ACSM2B: variants seen among roughly 807,000 people sequenced by gnomAD.
ACSM2B encodes the protein acyl-coenzyme A synthetase ACSM2B, mitochondrial.
ACSM2B carries 58 observed loss-of-function variants against 78.6 expected under a neutral mutation model. The ratio of observed to expected loss-of-function variants is 0.74; its 90% confidence interval spans 0.60 to 0.92. The LOEUF is 0.92. Among genes scored for constraint, ACSM2B ranks in the 40% least tolerant of loss-of-function variants. The probability of loss-of-function intolerance (pLI) is 0.00; values close to 1 mark genes in which losing one functional copy is unlikely to be tolerated. For synonymous variants in ACSM2B, 257 were observed against 256.8 expected, an observed-to-expected ratio of 1.00 and a Z score of -0.01; for missense variants, 688 against 711.2, an observed-to-expected ratio of 0.97 and a Z score of 0.37.
chr16:20,565,048 G>A (rs1291336721), intron 1 of ACSM2B, among the ~76,000 whole-genome samples, 195 bp from the exon 2 acceptor site: 2 of 151,886 alleles, frequency 1.3e-5, no homozygotes, highest in Non-Finnish European at 2.9e-5. Flanking sequence ...GGCATAAGAG[G>A]ATACAGACCC....
At chr16:20,546,907 G>A (rs12927474) in intron 8 of ACSM2B, 33,969 of 178,592 alleles carry the variant, frequency 0.19, 4,112 homozygotes, top group East Asian at 0.65. Flanking sequence ...ATACAGGCAT[G>A]CAATATGAAA....
At chr16:20,554,944 G>T (rs1453864543) in intron 4 of ACSM2B, among the ~76,000 whole-genome samples, 4 of 152,340 alleles carry the variant, frequency 2.6e-5, no homozygotes, top group South Asian at 2.1e-4. Context: ...CAGCCCAGAA[G>T]TGTGGAGGCA....
At chr16:20,552,104 C>G (rs767087033) in intron 6 of ACSM2B, 40 bp downstream of exon 6, 1 of 1,555,922 alleles carries the variant, frequency 6.4e-7, no homozygotes, top group East Asian at 2.3e-5. Flanking sequence ...AAACCTCGGG[C>G]TCACTCTGAA....
At chr16:20,572,193 AG>A (rs1460510365) in intron 1 of ACSM2B, among the ~76,000 whole-genome samples, 2 of 150,554 alleles carry the variant, frequency 1.3e-5, no homozygotes, top group African/African-American at 4.9e-5. Context: ...TGCTTTAAAA[AG>A]GTTCTATTTT....
intron 3 of ACSM2B, among the ~76,000 whole-genome samples, chr16:20,556,049 TTAAGC>T (rs2015463741): frequency 6.6e-6 from 1 of 150,830 alleles, no homozygotes; most frequent in East Asian, 2.0e-4. Context: ...GATGATTAAA[TTAAGC>T]TAATTCACAT....
chr16:20,567,239 G>C (rs1250791174), intron 1 of ACSM2B, among the ~76,000 whole-genome samples: 1 of 125,418 alleles, frequency 8.0e-6, no homozygotes, highest in African/African-American at 3.0e-5. Flanking sequence ...ATAATATATA[G>C]TGTAATATAT....
chr16:20,546,675 G>A lies in ACSM2B; in HGVS notation c.1099-201C>T, dbSNP rs762769899. ...GGGCCTCACTAAATTGTTTGTTCAG[G>A]AAGCAACCCATCTACCACTCCCCAG... On this transcript the variant is annotated intron_variant, in intron 8 of 13. Coordinates refer to ENST00000329697, the MANE Select transcript of ACSM2B (RefSeq NM_001105069.2). The A allele has an allele frequency of 5.9e-4, 557 of 945,288 alleles. 1 individual carries two copies. Among genetic ancestry groups the A allele is most frequent in the Non-Finnish European group, 7.5e-4 (519 of 690,642 alleles). The allele number at this position is 945,288 out of a possible 1,614,324, so 58.6% of individuals were successfully genotyped here.
chr16:20,576,240 G>A lies in ACSM2B; in HGVS notation c.-42C>T, dbSNP rs2016246245. 6.6e-6 allele frequency: 1 copy of A among 151,884 alleles called. No homozygotes were observed. The highest frequency in any genetic ancestry group is 1.5e-5 in the Non-Finnish European group (1 of 68,232). The allele number at this position is 151,884 out of a possible 1,614,324, so 9.4% of individuals were successfully genotyped here. ...TCCTCTCAGGATGTCTTTCTGGAGA[G>A]AGCTTCGTCCACCCTCCTCTCCAGC... On this transcript the variant is annotated 5_prime_UTR_variant, in exon 1 of 14. Coordinates refer to ENST00000329697, the MANE Select transcript of ACSM2B (RefSeq NM_001105069.2).
chr16:20,550,021 T>C (rs2015258597), intron 6 of ACSM2B: 1 of 269,688 alleles, frequency 3.7e-6, no homozygotes, highest in Admixed American at 4.9e-5. Context: ...AGACTTAAAG[T>C]CTATATTGAT....
At chr16:20,567,481 G>C (rs1330176205) in intron 1 of ACSM2B, among the ~76,000 whole-genome samples, 1 of 82,254 alleles carries the variant, frequency 1.2e-5, no homozygotes, top group African/African-American at 6.7e-5. Context: ...TAGTATAACA[G>C]TATATATAAA....
At chr16:20,548,591 C>G in intron 6 of ACSM2B, 118 bp from the exon 7 acceptor site, 1 of 1,571,210 alleles carries the variant, frequency 6.4e-7, no homozygotes, top group Non-Finnish European at 8.7e-7. Context: ...AAAACCCTAG[C>G]TTGTTTACTA....
rs777893505 is a variant in ACSM2B at position 20,542,981 on chromosome 16, G to T, written c.1442C>A (p.Ala481Glu). ...YRIGPSEVEN[A>E]LMKHPAVVET... Reference sequence around the variant, plus strand: ...AACCACAGCAGGGTGCTTCATCAGTGCATTCTCTACCTCCGAGGGTCCAAT... The same window carrying T: ...AACCACAGCAGGGTGCTTCATCAGTTCATTCTCTACCTCCGAGGGTCCAAT... The change falls in exon 12 of 14, where the codon GCA (alanine) becomes GAA (glutamate). Residue 481 changes from alanine (A) to glutamate (E), a missense_variant. Coordinates refer to ENST00000329697, the MANE Select transcript of ACSM2B (RefSeq NM_001105069.2). The T allele has an allele frequency of 3.7e-6, 6 of 1,613,598 alleles. No homozygotes were observed. The highest frequency in any genetic ancestry group is 5.1e-6 in the Non-Finnish European group (6 of 1,179,840).
intron 1 of ACSM2B, among the ~76,000 whole-genome samples, chr16:20,568,278 TATAG>T (rs1469921784): frequency 2.1e-5 from 3 of 145,028 alleles, no homozygotes; most frequent in Admixed American, 7.1e-5. Flanking sequence ...ATATAGTATA[TATAG>T]ATATATATAA....
chr16:20,569,756 G>A (rs180811237), intron 1 of ACSM2B, among the ~76,000 whole-genome samples: 3 of 151,738 alleles, frequency 2.0e-5, no homozygotes, highest in Admixed American at 6.6e-5. Flanking sequence ...CTTTCAGCAG[G>A]GTTTTGTAGT....
chr16:20,571,563 TTCTGTAAATA>T (rs1435060867), intron 1 of ACSM2B, among the ~76,000 whole-genome samples: 1 of 149,120 alleles, frequency 6.7e-6, no homozygotes, highest in African/African-American at 2.5e-5. Context: ...GGGTAGAATG[TTCTGTAAATA>T]TCTGTTAAAT....
chr16:20,550,490 A>AT (rs1168794209), intron 6 of ACSM2B, among the ~76,000 whole-genome samples: 1 of 151,990 alleles, frequency 6.6e-6, no homozygotes, highest in Non-Finnish European at 1.5e-5. Flanking sequence ...GTCTGTTTTC[A>AT]TTTTTTTAAT....
intron 1 of ACSM2B, among the ~76,000 whole-genome samples, chr16:20,568,814 AT>A (rs1352306364): frequency 6.6e-6 from 1 of 151,844 alleles, no homozygotes; most frequent in Non-Finnish European, 1.5e-5. Context: ...TTCCCTGATC[AT>A]TAGTGATGTT....
Position 20,537,475 on chromosome 16 carries a change from T to C in ACSM2B, c.1630-113A>G, listed in dbSNP as rs145703058. On this transcript the variant is annotated intron_variant, in intron 13 of 13. Coordinates refer to ENST00000329697, the MANE Select transcript of ACSM2B (RefSeq NM_001105069.2). ...TCTTCAGGCTGGAGCCACTTCAGGG[T>C]AGCCGCCCTGTGCAATAAGAAGCTT... is the stretch of plus-strand genomic sequence containing the variant. The C allele has an allele frequency of 6.6e-4, 790 of 1,194,306 alleles. 5 individuals carry two copies. The African/African-American group carries it at 1.0e-2, about 15-fold the overall frequency. The allele number at this position is 1,194,306 out of a possible 1,614,324, so 74.0% of individuals were successfully genotyped here.
chr16:20,556,225 C>A (rs976229064), intron 3 of ACSM2B, among the ~76,000 whole-genome samples: 6 of 152,094 alleles, frequency 3.9e-5, no homozygotes, highest in African/African-American at 1.4e-4. Context: ...CAGATATATC[C>A]CATGATTATC....
Sources: gnomAD v4.1 joint callset for allele counts (sites outside exome capture counted in the v4.1 genomes callset) on GRCh38, gnomAD v4.1.1 for gene constraint, MANE v1.5 for transcripts, NCBI Gene and HGNC (gene_info 2026-07-23, HGNC 2026-07-21) for gene names.